Variants in SDK1 observed in about 807,000 individuals in gnomAD.
SDK1 encodes protein sidekick-1.
Under a neutral mutation model 245.5 loss-of-function variants are expected in SDK1, and 157 were observed. The ratio of observed to expected loss-of-function variants is 0.64; its 90% CI spans 0.56 to 0.73. The LOEUF (loss-of-function observed/expected upper bound fraction) is 0.73, where lower values mean the gene tolerates loss of function less well. Among genes scored for constraint, SDK1 ranks in the 30% least tolerant of loss-of-function variants. SDK1 has a pLI of 0.00. For missense variants in SDK1, 3,583 were observed against 3,002.3 expected (o/e 1.19, Z -4.52); for synonymous variants, 1,647 against 1,278.5 (o/e 1.29, Z -6.15).
At chr7:3,358,435 T>G (rs1780866069) in intron 1 of SDK1, among the ~76,000 whole-genome samples, 1 of 152,202 alleles carries the variant, frequency 6.6e-6, no homozygotes, top group Admixed American at 6.5e-5. Flanking sequence ...CAACGTTTTT[T>G]TTTTTTTTCT....
At chr7:4,119,163 G>A (rs572325539) in intron 25 of SDK1, among the ~76,000 whole-genome samples, 1 of 148,824 alleles carries the variant, frequency 6.7e-6, no homozygotes, top group South Asian at 2.2e-4. Flanking sequence ...ATTAAAATAA[G>A]TATGGGCTGG....
chr7:3,357,813 T>A (rs1004555229), intron 1 of SDK1, among the ~76,000 whole-genome samples: 1 of 152,172 alleles, frequency 6.6e-6, no homozygotes, highest in African/African-American at 2.4e-5. Context: ...CTCTGAACTT[T>A]CTTTGCTATT....
intron 1 of SDK1, among the ~76,000 whole-genome samples, chr7:3,613,736 C>T (rs1424442080): frequency 3.3e-5 from 5 of 152,122 alleles, no homozygotes; most frequent in Admixed American, 3.3e-4. Flanking sequence ...AAATACCCAT[C>T]AATGATAGAC....
chr7:3,911,815 G>C (rs1243215107), intron 5 of SDK1, among the ~76,000 whole-genome samples: 1 of 152,154 alleles, frequency 6.6e-6, no homozygotes, highest in Non-Finnish European at 1.5e-5. Flanking sequence ...AGGAGCTTAA[G>C]GGGAAATTAT....
intron 14 of SDK1, among the ~76,000 whole-genome samples, chr7:4,009,019 G>T (rs895969735): frequency 1.3e-5 from 2 of 152,186 alleles, no homozygotes; most frequent in African/African-American, 4.8e-5. Context: ...GAACAACCGC[G>T]AAATGGGGCG....
intron 1 of SDK1, among the ~76,000 whole-genome samples, chr7:3,420,600 T>G (rs1779509163): frequency 6.6e-6 from 1 of 152,198 alleles, no homozygotes; most frequent in South Asian, 2.1e-4. Flanking sequence ...GGGATTTACT[T>G]TGTCTTTTAC....
intron 37 of SDK1, 67 bp downstream of exon 37, chr7:4,208,352 G>A: frequency 6.8e-7 from 1 of 1,466,482 alleles, no homozygotes; most frequent in Non-Finnish European, 9.4e-7. Context: ...CGCCAGCTCA[G>A]GTCCCCTCAC....
chr7:3,568,132 T>G (rs1393513339), intron 1 of SDK1, among the ~76,000 whole-genome samples: 2 of 152,236 alleles, frequency 1.3e-5, no homozygotes, highest in Non-Finnish European at 2.9e-5. Flanking sequence ...CCGTGGTTCT[T>G]TGAACAATGA....
At chr7:3,622,006 T>C (rs528883750) in intron 2 of SDK1, among the ~76,000 whole-genome samples, 4 of 152,276 alleles carry the variant, frequency 2.6e-5, no homozygotes, top group African/African-American at 9.6e-5. Context: ...TGTTGGATGA[T>C]TTTGCCCATT....
intron 5 of SDK1, among the ~76,000 whole-genome samples, chr7:3,913,640 A>G (rs1459585264): frequency 6.6e-6 from 1 of 151,998 alleles, no homozygotes; most frequent in Non-Finnish European, 1.5e-5. Flanking sequence ...TCTCTGGACT[A>G]TGTTAGTGCT....
At chr7:3,469,567 A>T (rs1396468859) in intron 1 of SDK1, among the ~76,000 whole-genome samples, 2 of 152,206 alleles carry the variant, frequency 1.3e-5, no homozygotes, top group South Asian at 4.1e-4. Context: ...GTTAGGGCCT[A>T]TTCCTAGGTT....
At chr7:4,147,016 G>A (rs1021726003) in intron 29 of SDK1, among the ~76,000 whole-genome samples, 2 of 152,124 alleles carry the variant, frequency 1.3e-5, no homozygotes, top group African/African-American at 2.4e-5. Context: ...GCCTTGCAGC[G>A]TCCAGGGTTG....
At chr7:4,053,300 C>G (rs1299877863) in intron 19 of SDK1, among the ~76,000 whole-genome samples, 1 of 151,952 alleles carries the variant, frequency 6.6e-6, no homozygotes, top group Non-Finnish European at 1.5e-5. Context: ...CCAAGGCCAC[C>G]AAGACGGATT....
intron 4 of SDK1, among the ~76,000 whole-genome samples, chr7:3,682,778 C>T (rs1316586171): frequency 1.3e-5 from 2 of 151,716 alleles, no homozygotes; most frequent in African/African-American, 2.4e-5. Context: ...TGGAGTTTTG[C>T]ACTGCCAGAT....
intron 1 of SDK1, among the ~76,000 whole-genome samples, chr7:3,311,469 C>G (rs1779548478): frequency 6.6e-6 from 1 of 151,986 alleles, no homozygotes; most frequent in Non-Finnish European, 1.5e-5. Context: ...TGTTCTTGTT[C>G]TATTGAAATT....
intron 2 of SDK1, among the ~76,000 whole-genome samples, chr7:3,633,542 GA>G (rs1435443217): frequency 3.9e-5 from 6 of 152,018 alleles, no homozygotes; most frequent in Admixed American, 3.9e-4. Flanking sequence ...AGTTTAAGGG[GA>G]TTCTTTATCT....
At position 4,089,547 on chromosome 7, in the gene SDK1, C is replaced by T. The variant is rs148517601; in HGVS notation, c.3324+9963C>T. 3.4e-3 allele frequency among the ~76,000 whole-genome samples: 511 copies of T among 152,282 alleles called. 3 individuals are homozygous for T. Among genetic ancestry groups the T allele is most frequent in the South Asian group, 0.031 (149 of 4,826 alleles). On this transcript the variant is annotated intron_variant, in intron 22 of 44. Transcript: ENST00000404826. The stretch of plus-strand genomic sequence containing the variant: ...GGGGCAAGCTTCCTGCCTTCCCCAT[C>T]GTGGGCTTGCCCCTTCCCCAGGCCT...
At chr7:3,807,317 G>T (rs1011173755) in intron 4 of SDK1, among the ~76,000 whole-genome samples, 1 of 152,200 alleles carries the variant, frequency 6.6e-6, no homozygotes, top group Non-Finnish European at 1.5e-5. Flanking sequence ...ATAGGAAGGG[G>T]AAGTGCTTAA....
chr7:4,050,799 G>C (rs572754681), intron 18 of SDK1, among the ~76,000 whole-genome samples: 1 of 149,374 alleles, frequency 6.7e-6, no homozygotes, highest in African/African-American at 2.5e-5. Flanking sequence ...TCATTGTGCT[G>C]TTTCAGCTGA....
Sources: allele counts gnomAD v4.1 joint callset (sites outside exome capture counted in the v4.1 genomes callset), GRCh38; gene constraint gnomAD v4.1.1; transcripts MANE v1.5; gene names NCBI Gene and HGNC (gene_info 2026-07-23, HGNC 2026-07-21).